The following ADGRL3 variants were observed in gnomAD, a reference collection of about 807,000 sequenced individuals.
ADGRL3 encodes the protein adhesion G protein-coupled receptor L3, also known as calcium-independent alpha-latrotoxin receptor 3.
In ADGRL3, 62 loss-of-function variants were observed where a neutral mutation model predicts 153.5. That is an observed-to-expected ratio of 0.40 (90% CI 0.33 to 0.50). The LOEUF is 0.50. Ranked by LOEUF, ADGRL3 falls within the 20% of genes least tolerant of loss-of-function variation. ADGRL3 has a pLI of 0.47. For missense variants in ADGRL3, 1,641 were observed against 1,859.4 expected (o/e 0.88, Z 2.16); for synonymous variants, 710 against 672.5 (o/e 1.06, Z -0.86).
intron 17 of ADGRL3, among the ~76,000 whole-genome samples, chr4:61,965,108 C>T (rs1325634086): frequency 6.6e-6 from 1 of 152,140 alleles, no homozygotes; most frequent in Admixed American, 6.5e-5. Flanking sequence ...GGTGACCCTC[C>T]CTCTTCAGCC....
At chr4:61,893,532 G>T (rs2098604604) in intron 10 of ADGRL3, among the ~76,000 whole-genome samples, 2 of 151,996 alleles carry the variant, frequency 1.3e-5, no homozygotes, top group African/African-American at 4.8e-5. Context: ...TAACAAAAAA[G>T]AAAGTTTGAC....
At chr4:61,324,150 C>G (rs1371471211) in intron 1 of ADGRL3, among the ~76,000 whole-genome samples, 1 of 152,086 alleles carries the variant, frequency 6.6e-6, no homozygotes, top group Non-Finnish European at 1.5e-5. Flanking sequence ...CGGTCATCTC[C>G]CACTGGGTTC....
At chr4:61,523,510 G>A (rs929894765) in intron 4 of ADGRL3, among the ~76,000 whole-genome samples, 3 of 152,032 alleles carry the variant, frequency 2.0e-5, no homozygotes, top group African/African-American at 7.2e-5. Context: ...TAATTGATAT[G>A]CATAATACGT....
intron 2 of ADGRL3, among the ~76,000 whole-genome samples, chr4:61,430,325 CAGA>C (rs1202999905): frequency 6.6e-6 from 1 of 152,128 alleles, no homozygotes; most frequent in Non-Finnish European, 1.5e-5. Context: ...ATATGTCATT[CAGA>C]AGGACACATT....
Position 61,384,886 on chromosome 4 carries a change from G to C in ADGRL3, c.-174+1697G>C, listed in dbSNP as rs1227540984. 2.0e-5 allele frequency among the ~76,000 whole-genome samples: 3 copies of C among 152,150 alleles called. No homozygotes were observed. The East Asian group carries it at 5.8e-4, about 29-fold the overall frequency. On this transcript the variant is annotated intron_variant, in intron 2 of 26. Transcript: ENST00000683033. ...AGACCCTCAGTGATAGTATGTTAGT[G>C]GTTGCCAGAGGGTGGGGCAAGAGTG...
intron 25 of ADGRL3, among the ~76,000 whole-genome samples, chr4:62,066,325 T>C (rs1438844321): frequency 6.6e-6 from 1 of 152,090 alleles, no homozygotes; most frequent in Non-Finnish European, 1.5e-5. Flanking sequence ...TCTGGTTCAG[T>C]TGCACCAATG....
intron 11 of ADGRL3, among the ~76,000 whole-genome samples, chr4:61,896,998 C>T (rs1163072971): frequency 5.3e-5 from 8 of 152,140 alleles, no homozygotes; most frequent in East Asian, 1.9e-4. Context: ...AATGTTTTCA[C>T]GATAATTTCT....
chr4:61,210,356 G>A (rs1739358133), intron 1 of ADGRL3, among the ~76,000 whole-genome samples: 2 of 152,110 alleles, frequency 1.3e-5, no homozygotes. Flanking sequence ...GAGGCAGAGT[G>A]TGTTACTATT....
chr4:62,016,625 C>A (rs2151319837), intron 21 of ADGRL3, among the ~76,000 whole-genome samples: 1 of 152,248 alleles, frequency 6.6e-6, no homozygotes, highest in African/African-American at 2.4e-5. Flanking sequence ...TAGGGCGAAT[C>A]CTCCCATTTT....
intron 3 of ADGRL3, among the ~76,000 whole-genome samples, chr4:61,508,101 A>C (rs562160541): frequency 6.6e-6 from 1 of 152,146 alleles, no homozygotes; most frequent in Non-Finnish European, 1.5e-5. Flanking sequence ...ATTTTATTTG[A>C]CTGGAATAAA....
At chr4:61,367,953 CATT>C (rs1292344420) in intron 1 of ADGRL3, among the ~76,000 whole-genome samples, 2 of 150,912 alleles carry the variant, frequency 1.3e-5, no homozygotes, top group Admixed American at 1.3e-4. Context: ...GATGGTATCT[CATT>C]GTGGTTTCGA....
At chr4:61,205,895 T>C (rs935106436) in intron 1 of ADGRL3, among the ~76,000 whole-genome samples, 1 of 152,198 alleles carries the variant, frequency 6.6e-6, no homozygotes, top group Non-Finnish European at 1.5e-5. Context: ...TTGAATGTCA[T>C]TACTCTGATC....
At chr4:61,964,512 T>C (rs1334547724) in intron 17 of ADGRL3, among the ~76,000 whole-genome samples, 1 of 152,064 alleles carries the variant, frequency 6.6e-6, no homozygotes, top group Non-Finnish European at 1.5e-5. Flanking sequence ...ACAGACTCTT[T>C]TTTTTCATAA....
intron 17 of ADGRL3, among the ~76,000 whole-genome samples, chr4:61,973,274 G>A (rs2099036008): frequency 6.6e-6 from 1 of 151,852 alleles, no homozygotes; most frequent in African/African-American, 2.4e-5. Flanking sequence ...GTATCATTGA[G>A]TGTACCTCAT....
intron 2 of ADGRL3, among the ~76,000 whole-genome samples, chr4:61,447,319 A>G (rs779648030): frequency 1.6e-4 from 24 of 152,158 alleles, no homozygotes; most frequent in Admixed American, 8.5e-4. Flanking sequence ...TTGATTTTCA[A>G]TGGATTCAGT....
Position 61,350,846 on chromosome 4 carries a change from C to T in ADGRL3, c.-239-32278C>T, listed in dbSNP as rs79224445. On this transcript the variant is annotated intron_variant, in intron 1 of 26. Coordinates refer to ENST00000683033, the MANE Select transcript of ADGRL3 (RefSeq NM_001387552.1). ...GTCATCTGTCTCCCTTCTTTTCCCC[C>T]CTCTGTGCCCTGAAACACAACAATT... is the stretch of plus-strand genomic sequence containing the variant. Among the ~76,000 whole-genome samples, 590 of 152,176 alleles carry T rather than the reference C, an allele frequency of 3.9e-3. 9 individuals are homozygous for T. The highest frequency in any genetic ancestry group is 0.014 in the African/African-American group (564 of 41,510).
At chr4:61,336,234 C>A (rs1361824435) in intron 1 of ADGRL3, among the ~76,000 whole-genome samples, 1 of 152,070 alleles carries the variant, frequency 6.6e-6, no homozygotes, top group Non-Finnish European at 1.5e-5. Context: ...GGTTCAAATC[C>A]AAACAATTAG....
chr4:61,303,703 GC>G (rs1054597220), intron 1 of ADGRL3, among the ~76,000 whole-genome samples: 1 of 152,096 alleles, frequency 6.6e-6, no homozygotes, highest in African/African-American at 2.4e-5. Context: ...AGTTAGTACA[GC>G]TTTCCCTCTC....
chr4:61,731,474 C>T (rs2096441651), intron 7 of ADGRL3, among the ~76,000 whole-genome samples: 1 of 152,060 alleles, frequency 6.6e-6, no homozygotes, highest in African/African-American at 2.4e-5. Context: ...TCATTCCAAA[C>T]ATAACAGTAG....
Sources: allele counts gnomAD v4.1 joint callset (sites outside exome capture counted in the v4.1 genomes callset), GRCh38; gene constraint gnomAD v4.1.1; transcripts MANE v1.5; gene names NCBI Gene and HGNC (gene_info 2026-07-23, HGNC 2026-07-21).